Variants in IGFL2 observed in about 807,000 individuals in gnomAD.
IGFL2 encodes insulin growth factor-like family member 2.
Under a neutral mutation model 13.9 loss-of-function variants are expected in IGFL2, and 7 were observed. That is an observed-to-expected ratio of 0.51 (90% CI 0.29 to 0.95). IGFL2 has a LOEUF of 0.95. IGFL2 is among the 40% of genes least tolerant of loss of function. IGFL2 has a pLI of 0.08. For missense variants in IGFL2, 138 were observed against 147.8 expected (o/e 0.93, Z 0.34); for synonymous variants, 55 against 55.8 (o/e 0.99, Z 0.07).
At chr19:46,099,829 T>C in the IGFL2 span, among the ~76,000 whole-genome samples, 5 of 152,138 alleles carry the variant, frequency 3.3e-5, no homozygotes. Context: ...CCTGTGCTTG[T>C]TCATTCCTTT....
the IGFL2 span, chr19:46,208,565 T>C: frequency 3.3e-5 from 5 of 152,208 alleles, no homozygotes; most frequent in Non-Finnish European, 7.3e-5. Context: ...TTTGGCTCTG[T>C]CTTGCCACAC....
At chr19:46,145,181 A>C (rs1973054227), upstream of IGFL2, among the ~76,000 whole-genome samples, 1 of 152,220 alleles carries the variant, frequency 6.6e-6, no homozygotes, top group Non-Finnish European at 1.5e-5. Context: ...GTATAATTTT[A>C]TAAAAACAGC....
At chr19:46,143,184 T>C (rs951977541), upstream of IGFL2, 1 of 152,356 alleles carries the variant, frequency 6.6e-6, no homozygotes, top group African/African-American at 2.4e-5. Flanking sequence ...TGAAGACCTT[T>C]ATGATGATCC....
the IGFL2 span, among the ~76,000 whole-genome samples, chr19:46,185,968 C>T: frequency 5.8e-3 from 885 of 152,170 alleles, 7 homozygotes; most frequent in African/African-American, 0.02. Context: ...CTATGGTGGG[C>T]GTCATCGGCC....
chr19:46,156,639 A>G (rs1973839446), intron 1 of IGFL2, among the ~76,000 whole-genome samples: 1 of 152,304 alleles, frequency 6.6e-6, no homozygotes, highest in East Asian at 1.9e-4. Context: ...AACATATATA[A>G]AGCAGTGCTA....
At chr19:46,151,383 CT>C (rs1226792996) in intron 1 of IGFL2, among the ~76,000 whole-genome samples, 1 of 152,130 alleles carries the variant, frequency 6.6e-6, no homozygotes, top group Non-Finnish European at 1.5e-5. Flanking sequence ...AGTCCTAGCA[CT>C]TTTGTTGAAA....
At chr19:46,211,377 C>T in the IGFL2 span, among the ~76,000 whole-genome samples, 3 of 152,206 alleles carry the variant, frequency 2.0e-5, no homozygotes, top group East Asian at 1.9e-4. Flanking sequence ...TGGGGAAACC[C>T]GGCCTTCCTT....
the IGFL2 span, chr19:46,124,383 A>C: frequency 1.3e-6 from 2 of 1,494,022 alleles, no homozygotes; most frequent in Non-Finnish European, 1.9e-6. Context: ...TGGAAAAAAC[A>C]AACAAACAAA....
At chr19:46,082,728 G>A in the IGFL2 span, among the ~76,000 whole-genome samples, 2 of 151,798 alleles carry the variant, frequency 1.3e-5, no homozygotes, top group East Asian at 3.9e-4. Flanking sequence ...GGCTGAAGTC[G>A]TGTCTTCATT....
chr19:46,157,542 C>G (rs533279619), intron 1 of IGFL2, among the ~76,000 whole-genome samples: 50 of 152,266 alleles, frequency 3.3e-4, no homozygotes, highest in African/African-American at 1.1e-3. Context: ...ATGATCACAT[C>G]AATTGATGCT....
upstream of IGFL2, among the ~76,000 whole-genome samples, chr19:46,145,600 A>ATATGTGTGTGTGTG (rs1177221696): frequency 1.1e-5 from 1 of 94,448 alleles, no homozygotes; most frequent in African/African-American, 2.9e-5. Flanking sequence ...ACTCATATAT[A>ATATGTGTGTGTGTG]TGTGTGTGTG....
chr19:46,200,473 C>CCTTTTCTTTTCTTCTCTTTT, the IGFL2 span, among the ~76,000 whole-genome samples: 242 of 134,278 alleles, frequency 1.8e-3, no homozygotes, highest in African/African-American at 6.5e-3. Context: ...CACACCTGGC[C>CCTTTTCTTTTCTTCTCTTTT]CTTTTCTTTT....
chr19:46,183,628 T>G, the IGFL2 span, among the ~76,000 whole-genome samples: 1 of 151,736 alleles, frequency 6.6e-6, no homozygotes, highest in Non-Finnish European at 1.5e-5. Flanking sequence ...CTCCACCTCC[T>G]GGGTTCAAGC....
intron 1 of IGFL2, among the ~76,000 whole-genome samples, chr19:46,149,293 CT>C (rs1348679145): frequency 1.5e-5 from 2 of 129,824 alleles, no homozygotes; most frequent in African/African-American, 3.0e-5. Context: ...ACCTCTCCCC[CT>C]CTTCCCCTCT....
At chr19:46,173,895 C>T in the IGFL2 span, 1 of 152,226 alleles carries the variant, frequency 6.6e-6, no homozygotes, top group South Asian at 2.1e-4. Flanking sequence ...GAGTTTGGTA[C>T]TTGGTATGCA....
intron 1 of IGFL2, among the ~76,000 whole-genome samples, chr19:46,155,538 A>G (rs1303669912): frequency 6.6e-6 from 1 of 152,210 alleles, no homozygotes; most frequent in Non-Finnish European, 1.5e-5. Flanking sequence ...GTTTTTATAA[A>G]AAAAATAATT....
the IGFL2 span, among the ~76,000 whole-genome samples, chr19:46,117,576 C>T: frequency 2.0e-5 from 3 of 152,138 alleles, no homozygotes; most frequent in East Asian, 5.8e-4. Flanking sequence ...ACTCCTGGGC[C>T]CAAGGGATCC....
At chr19:46,148,929 GC>G (rs1285446939) in intron 1 of IGFL2, 9 of 1,557,586 alleles carry the variant, frequency 5.8e-6, no homozygotes, top group Non-Finnish European at 7.8e-6. Flanking sequence ...ACCAGACCCA[GC>G]CCTGTAGCCC....
At chr19:46,133,854 A>G in the IGFL2 span, among the ~76,000 whole-genome samples, 11 of 152,188 alleles carry the variant, frequency 7.2e-5, no homozygotes, top group Non-Finnish European at 5.9e-5. Context: ...TGGGCTCTCA[A>G]TGCAATAGAA....
Sources: allele counts gnomAD v4.1 joint callset (sites outside exome capture counted in the v4.1 genomes callset), GRCh38; gene constraint gnomAD v4.1.1; transcripts MANE v1.5; gene names NCBI Gene and HGNC (gene_info 2026-07-23, HGNC 2026-07-21).